Variants in SKA2 observed in about 807,000 individuals in gnomAD.
SKA2 encodes the protein spindle and kinetochore-associated protein 2.
In SKA2, 13 loss-of-function variants were observed where a neutral mutation model predicts 16.9. That is an observed-to-expected ratio of 0.77 (90% CI 0.50 to 1.22). SKA2 has a LOEUF of 1.22. Among genes scored for constraint, SKA2 ranks in the 50% most tolerant of loss-of-function variants. SKA2 has a pLI of 0.00. For synonymous variants in SKA2, 47 were observed against 48.5 expected (o/e 0.97, Z 0.13); for missense variants, 107 against 139.7 (o/e 0.77, Z 1.18).
intron 1 of SKA2, among the ~76,000 whole-genome samples, chr17:59,145,536 A>G (rs1171011533): frequency 2.6e-5 from 4 of 151,930 alleles, no homozygotes; most frequent in African/African-American, 9.7e-5. Context: ...CCTCTTTCCA[A>G]TGTGCCCCCA....
chr17:59,152,380 T>C lies in SKA2; in HGVS notation c.33+2751A>G, dbSNP rs754612897. On this transcript the variant is annotated intron_variant, in intron 1 of 3. Coordinates refer to ENST00000330137, the MANE Select transcript of SKA2 (RefSeq NM_182620.4). Reference sequence around the variant, plus strand: ...GCTCATACAAAGGACAGCTGAAATATAAGTGTCTTGGTGTCAAATCCTGGG... The same window carrying C: ...GCTCATACAAAGGACAGCTGAAATACAAGTGTCTTGGTGTCAAATCCTGGG... Among the ~76,000 whole-genome samples the C allele has an allele frequency of 2.0e-5, 3 of 152,204 alleles. 1 individual carries two copies. The highest frequency in any genetic ancestry group is 4.1e-4 in the South Asian group (2 of 4,836).
At chr17:59,143,195 T>A (rs1474326342) in intron 1 of SKA2, among the ~76,000 whole-genome samples, 1 of 151,894 alleles carries the variant, frequency 6.6e-6, no homozygotes, top group Non-Finnish European at 1.5e-5. Context: ...TTCCCTATAT[T>A]TTATCCAAAA....
At chr17:59,151,049 T>G in intron 1 of SKA2, 1 of 456,176 alleles carries the variant, frequency 2.2e-6, no homozygotes, top group South Asian at 1.6e-5. Context: ...GTAACAACAT[T>G]ATAGTTCTCA....
chr17:59,114,732 G>T (rs2046285162), intron 3 of SKA2, among the ~76,000 whole-genome samples: 1 of 152,186 alleles, frequency 6.6e-6, no homozygotes, highest in Non-Finnish European at 1.5e-5. Flanking sequence ...GAAGTTGTAA[G>T]GGACTTTCAC....
chr17:59,130,261 G>A (rs1446923962), intron 2 of SKA2, among the ~76,000 whole-genome samples: 1 of 151,716 alleles, frequency 6.6e-6, no homozygotes, highest in East Asian at 1.9e-4. Flanking sequence ...TTAATTGTAT[G>A]GAATTTTTTT....
In SKA2 at chr17:59,119,500, G is replaced by A. The variant is rs779992549; in HGVS notation, c.121-5C>T. The stretch of plus-strand genomic sequence containing the variant: ...TAAGAGTGTAACTGGATTTTTCTAT[G>A]TCAGGAAAAAAGTGAACATGTATTA... On this transcript the variant is annotated splice_polypyrimidine_tract_variant and splice_region_variant and intron_variant, in intron 2 of 3. Transcript: ENST00000330137. The A allele has an allele frequency of 1.1e-5, 18 of 1,610,432 alleles. No individual in the cohort carries two copies. The East Asian group carries it at 3.8e-4, about 34-fold the overall frequency.
At chr17:59,113,458 GGCT>G (rs2046276581) in intron 3 of SKA2, among the ~76,000 whole-genome samples, 1 of 151,944 alleles carries the variant, frequency 6.6e-6, no homozygotes, top group South Asian at 2.1e-4. Context: ...GGGAGGCGGA[GGCT>G]GCAGTGACCC....
intron 1 of SKA2, among the ~76,000 whole-genome samples, chr17:59,133,077 G>A (rs935756777): frequency 6.6e-6 from 1 of 152,140 alleles, no homozygotes; most frequent in South Asian, 2.1e-4. Flanking sequence ...TCCTGGGCTC[G>A]TGGGATCCTC....
intron 2 of SKA2, 36 bp from the exon 3 acceptor site, chr17:59,119,531 T>G (rs756933292): frequency 1.6e-5 from 26 of 1,587,804 alleles, no homozygotes; most frequent in Non-Finnish European, 2.2e-5. Context: ...TATTAAATTA[T>G]GAAAGATTAA....
intron 3 of SKA2, among the ~76,000 whole-genome samples, chr17:59,114,750 CAACA>C (rs762611137): frequency 2.3e-4 from 35 of 152,106 alleles, no homozygotes; most frequent in Admixed American, 1.1e-3. Flanking sequence ...CACAGAGCAC[CAACA>C]AACAGGCTGG....
rs1176450163 is a variant in SKA2 at position 59,112,364 on chromosome 17, A to T, written c.298-19T>A. The T allele has an allele frequency of 6.3e-7, 1 of 1,591,430 alleles. No individual in the cohort carries two copies. The highest frequency in any genetic ancestry group is 2.2e-5 in the East Asian group (1 of 44,646). ...GTGACAGCTAGAAAATAAATGATAA[A>T]ATCTTTATTTCAAAAACTTTCAAAG... On this transcript the variant is annotated intron_variant, in intron 3 of 3. Transcript: ENST00000330137.
At chr17:59,141,951 C>A (rs115820661) in intron 1 of SKA2, among the ~76,000 whole-genome samples, 251 of 152,106 alleles carry the variant, frequency 1.7e-3, no homozygotes, top group African/African-American at 5.9e-3. Context: ...CTCTTTGAAC[C>A]CATGAGATAT....
intron 1 of SKA2, among the ~76,000 whole-genome samples, chr17:59,143,131 A>G (rs763269067): frequency 2.2e-4 from 34 of 152,158 alleles, no homozygotes; most frequent in Non-Finnish European, 2.9e-4. Flanking sequence ...AAATAGAGCA[A>G]TAACAAGTAT....
At chr17:59,142,741 A>G (rs2046501314) in intron 1 of SKA2, among the ~76,000 whole-genome samples, 1 of 151,716 alleles carries the variant, frequency 6.6e-6, no homozygotes, top group Non-Finnish European at 1.5e-5. Context: ...AGCTTGACCA[A>G]CATGGTGAAA....
chr17:59,131,288 G>T lies in SKA2; in HGVS notation c.113C>A (p.Ala38Glu). The change falls in exon 2 of 4, where the codon GCA becomes GAA. Residue 38 changes from alanine (A) to glutamate (E), a missense_variant. Ala to Glu is a moderately radical substitution (Grantham distance 107). Transcript: ENST00000330137. ...YEIKTNHPDSASEKNPVTLLK... is the reference protein window; with the variant it reads ...YEIKTNHPDSESEKNPVTLLK... ...ATTTATTTCGGAGATTACCTCACTTGCTGAATCAGGATGATTAGTCTTGAT... is the reference window on the plus strand; with the variant it reads ...ATTTATTTCGGAGATTACCTCACTTTCTGAATCAGGATGATTAGTCTTGAT... The T allele has an allele frequency of 1.3e-6, 2 of 1,575,228 alleles. No individual in the cohort carries two copies. The highest frequency in any genetic ancestry group is 1.7e-4 in the Middle Eastern group (1 of 5,940).
intron 1 of SKA2, among the ~76,000 whole-genome samples, chr17:59,153,591 G>C (rs1277873764): frequency 3.3e-5 from 5 of 152,070 alleles, no homozygotes; most frequent in African/African-American, 1.2e-4. Context: ...GGTGGGAATG[G>C]GGGGTGGGTG....
chr17:59,127,410 A>G (rs2046379012), intron 2 of SKA2, among the ~76,000 whole-genome samples: 1 of 152,030 alleles, frequency 6.6e-6, no homozygotes, highest in Non-Finnish European at 1.5e-5. Flanking sequence ...TTTTCTTTTG[A>G]GACAGTCTTG....
chr17:59,117,879 G>T (rs956436144), intron 3 of SKA2: 3 of 152,150 alleles, frequency 2.0e-5, no homozygotes, highest in African/African-American at 7.2e-5. Flanking sequence ...CAAAGTAAAA[G>T]CTCCCTTAGT....
intron 2 of SKA2, among the ~76,000 whole-genome samples, 184 bp downstream of exon 2, chr17:59,131,097 G>A (rs1473958251): frequency 2.6e-5 from 4 of 151,928 alleles, no homozygotes; most frequent in East Asian, 3.9e-4. Context: ...CAAATTTCAC[G>A]GACTATTGGT....
Sources: allele counts gnomAD v4.1 joint callset (sites outside exome capture counted in the v4.1 genomes callset), GRCh38; gene constraint gnomAD v4.1.1; transcripts MANE v1.5; gene names NCBI Gene and HGNC (gene_info 2026-07-23, HGNC 2026-07-21).